The following AGAP1 variants were observed in gnomAD, a reference collection of about 807,000 sequenced individuals.
AGAP1 encodes arf-GAP with GTPase, ANK repeat and PH domain-containing protein 1.
Under a neutral mutation model 105.3 loss-of-function variants are expected in AGAP1, and 29 were observed. That is an observed-to-expected ratio of 0.28 (90% CI 0.21 to 0.38). AGAP1 has a LOEUF of 0.38. AGAP1 is among the 10% of genes least tolerant of loss of function. The pLI, the probability that AGAP1 is intolerant of heterozygous loss-of-function variation, is 1.00. For missense variants in AGAP1, 998 were observed against 1,165.1 expected, an observed-to-expected ratio of 0.86 and a Z score of 2.09; for synonymous variants, 509 against 485.9, an observed-to-expected ratio of 1.05 and a Z score of -0.63.
chr2:235,682,010 C>G (rs1173953173), intron 1 of AGAP1, among the ~76,000 whole-genome samples: 1 of 151,852 alleles, frequency 6.6e-6, no homozygotes, highest in South Asian at 2.1e-4. Flanking sequence ...CCACCACGCC[C>G]AGCTAATTTT....
rs1437328613 is a variant in AGAP1, at chr2:235,900,126, T to TC, written c.1156-8608dup. Among the ~76,000 whole-genome samples the TC allele has an allele frequency of 6.6e-6, 1 of 152,164 alleles. No individual in the cohort carries two copies. Among genetic ancestry groups the TC allele is most frequent in the East Asian group, 1.9e-4 (1 of 5,198 alleles). Reference sequence around the variant, plus strand: ...CTGTACATGAAGCTGCCACCACTGGTCCCCAACAAGGCCTCACCAGCCTTC... The same window carrying TC: ...CTGTACATGAAGCTGCCACCACTGGTCCCCCAACAAGGCCTCACCAGCCTTC... On this transcript the variant is annotated intron_variant, in intron 10 of 17. Transcript: ENST00000304032. This position sits in a 1 kb window ranked among gnomAD's most constrained non-coding sequence, Gnocchi z 5.5.
Position 235,797,890 on chromosome 2 carries a change from C to T in AGAP1, c.801+4C>T, listed in dbSNP as rs763029926. On this transcript the variant is annotated splice_donor_region_variant and intron_variant, in intron 7 of 17. Coordinates refer to ENST00000304032, the MANE Select transcript of AGAP1 (RefSeq NM_001037131.3). ...GTCTGCCGTGCACATCAGCCAGGTA[C>T]GTTAGGTGACATGAGAAGTCAGACT... is the stretch of plus-strand genomic sequence containing the variant. 1.2e-5 allele frequency: 19 copies of T among 1,613,922 alleles called. No individual in the cohort carries two copies. The highest frequency in any genetic ancestry group is 1.6e-4 in the Middle Eastern group (1 of 6,082).
chr2:235,531,126 G>C (rs1159077683), intron 1 of AGAP1, among the ~76,000 whole-genome samples: 1 of 152,222 alleles, frequency 6.6e-6, no homozygotes, highest in East Asian at 1.9e-4. Flanking sequence ...TCTAGACTCA[G>C]CACAAGGAGT....
At chr2:235,503,720 G>A (rs1022980308) in intron 1 of AGAP1, among the ~76,000 whole-genome samples, 4 of 152,032 alleles carry the variant, frequency 2.6e-5, no homozygotes, top group African/African-American at 9.7e-5. Context: ...CTCAGCCCCC[G>A]CCAAGTAGCT....
At position 235,721,122 on chromosome 2, in the gene AGAP1, C is replaced by T. The variant is rs138612738; in HGVS notation, c.310+3478C>T. Among the ~76,000 whole-genome samples, 687 of 152,228 alleles carry T rather than the reference C, an allele frequency of 4.5e-3. 6 individuals carry two copies. Among genetic ancestry groups the T allele is most frequent in the African/African-American group, 0.016 (652 of 41,518 alleles). Reference sequence around the variant, plus strand: ...TCCAGGATTCAAGTGATCCTCCTGCCGCAGCCTCCTGAGTAGCTGGGATTA... The same window carrying T: ...TCCAGGATTCAAGTGATCCTCCTGCTGCAGCCTCCTGAGTAGCTGGGATTA... On this transcript the variant is annotated intron_variant, in intron 3 of 17. Transcript: ENST00000304032. The surrounding 1 kb of genome is among the most constrained non-coding windows in gnomAD (Gnocchi z 4.5).
intron 8 of AGAP1, among the ~76,000 whole-genome samples, chr2:235,800,252 C>T (rs1957432395): frequency 6.6e-6 from 1 of 151,654 alleles, no homozygotes. Context: ...GCACTCACCA[C>T]TACGTGTGGC....
chr2:235,957,693 A>G lies in AGAP1; in HGVS notation c.1484-10769A>G, dbSNP rs1431900743. 6.6e-6 allele frequency among the ~76,000 whole-genome samples: 1 copy of G among 152,148 alleles called. No individual in the cohort carries two copies. Among genetic ancestry groups the G allele is most frequent in the African/African-American group, 2.4e-5 (1 of 41,418 alleles). On this transcript the variant is annotated intron_variant, in intron 12 of 17. Coordinates refer to ENST00000304032, the MANE Select transcript of AGAP1 (RefSeq NM_001037131.3). The surrounding 1 kb of genome is among the most constrained non-coding windows in gnomAD (Gnocchi z 4.6). ...GGATGGCAAAGGTGGCCTGTTCTTT[A>G]TTTACCGGCCTACACATCTCTGTAA...
At chr2:236,084,777 G>A (rs985042378) in intron 16 of AGAP1, among the ~76,000 whole-genome samples, 6 of 151,970 alleles carry the variant, frequency 3.9e-5, no homozygotes, top group East Asian at 1.9e-4. Flanking sequence ...GGTGGTGGGC[G>A]CCTGTAGTCC....
rs1387125606 is a variant in AGAP1 at position 235,981,137 on chromosome 2, C to T, written c.1645+12514C>T. Among the ~76,000 whole-genome samples, 1 of 152,160 alleles carries T rather than the reference C, an allele frequency of 6.6e-6. No homozygotes were observed. Among genetic ancestry groups the T allele is most frequent in the South Asian group, 2.1e-4 (1 of 4,830 alleles). ...AGTATGTGATCACTGTGAGATGTTT[C>T]TCAAAGTCTGTCTTGAACTTGCCAA... On this transcript the variant is annotated intron_variant, in intron 13 of 17. Coordinates refer to ENST00000304032, the MANE Select transcript of AGAP1 (RefSeq NM_001037131.3). This position sits in a 1 kb window ranked among gnomAD's most constrained non-coding sequence, Gnocchi z 5.5.
chr2:236,115,125 G>A (rs1443521333), intron 16 of AGAP1, among the ~76,000 whole-genome samples: 1 of 152,206 alleles, frequency 6.6e-6, no homozygotes, highest in Non-Finnish European at 1.5e-5. Flanking sequence ...GGTACCCGCG[G>A]CCCCGTGCCA....
chr2:235,738,582 C>T (rs1441924589), intron 3 of AGAP1, among the ~76,000 whole-genome samples: 2 of 150,094 alleles, frequency 1.3e-5, no homozygotes, highest in South Asian at 2.1e-4. Flanking sequence ...TTTTGAGACA[C>T]AGTCTTGCTC....
chr2:235,531,492 T>G (rs1201039043), intron 1 of AGAP1, among the ~76,000 whole-genome samples: 1 of 152,180 alleles, frequency 6.6e-6, no homozygotes, highest in Non-Finnish European at 1.5e-5. Context: ...CCCGCTCCCA[T>G]GTCACCTGCC....
At position 236,061,881 on chromosome 2, in the gene AGAP1, G is replaced by GAA. The variant is rs35303117; in HGVS notation, c.2114+12613_2114+12614dup. Reference sequence around the variant, plus strand: ...ATGGTATATAAATTATGTCAATTTTGAAAAAAAAAAAAAAGGAATTTCCAA... The same window carrying GAA: ...ATGGTATATAAATTATGTCAATTTTGAAAAAAAAAAAAAAAAGGAATTTCCAA... On this transcript the variant is annotated intron_variant, in intron 16 of 17. Coordinates refer to ENST00000304032, the MANE Select transcript of AGAP1 (RefSeq NM_001037131.3). This position sits in a 1 kb window ranked among gnomAD's most constrained non-coding sequence, Gnocchi z 4.1. 9.1e-5 allele frequency among the ~76,000 whole-genome samples: 11 copies of GAA among 121,362 alleles called. No homozygotes were observed. Among genetic ancestry groups the GAA allele is most frequent in the Admixed American group, 5.1e-4 (6 of 11,758 alleles). 79.6% of individuals were successfully genotyped at this position (121,362 alleles called of 152,430 possible). A position where few individuals can be genotyped will look rare whatever the true frequency, so the allele number is the denominator to read the frequency against.
rs1953083472 is a variant in AGAP1 at position 235,747,737 on chromosome 2, GC to G, written c.539-2616del. On this transcript the variant is annotated intron_variant, in intron 5 of 17. Transcript: ENST00000304032. The surrounding 1 kb of genome is among the most constrained non-coding windows in gnomAD (Gnocchi z 5.0). The stretch of plus-strand genomic sequence containing the variant: ...TTGCTCTCCGTGAAGCCCGTGCTCG[GC>G]TGCTCTTTCAGGGGTTTGGCTTCCT... Among the ~76,000 whole-genome samples, 1 of 152,220 alleles carries G rather than the reference GC, an allele frequency of 6.6e-6. No homozygotes were observed. The highest frequency in any genetic ancestry group is 1.5e-5 in the Non-Finnish European group (1 of 68,026).
chr2:235,658,022 C>A (rs1433395997), intron 1 of AGAP1, among the ~76,000 whole-genome samples: 1 of 151,326 alleles, frequency 6.6e-6, no homozygotes, highest in African/African-American at 2.4e-5. Flanking sequence ...GGCTCCAGAA[C>A]TAGGATAACT....
chr2:235,634,125 G>A (rs1003797081), intron 1 of AGAP1, among the ~76,000 whole-genome samples: 15 of 152,212 alleles, frequency 9.9e-5, no homozygotes, highest in Admixed American at 2.0e-4. Context: ...ACGGCAAGTT[G>A]TGGGGCTTCT....
chr2:235,511,984 A>T (rs1942150896), intron 1 of AGAP1, among the ~76,000 whole-genome samples: 1 of 125,230 alleles, frequency 8.0e-6, no homozygotes, highest in Non-Finnish European at 1.6e-5. Flanking sequence ...GAGTGTGTGA[A>T]TGCGTGTGTG....
chr2:235,872,737 C>T lies in AGAP1; in HGVS notation c.1051-10608C>T, dbSNP rs1034032923. Among the ~76,000 whole-genome samples, 1 of 152,242 alleles carries T rather than the reference C, an allele frequency of 6.6e-6. No homozygotes were observed. Among genetic ancestry groups the T allele is most frequent in the Non-Finnish European group, 1.5e-5 (1 of 68,042 alleles). On this transcript the variant is annotated intron_variant, in intron 9 of 17. Transcript: ENST00000304032. This position sits in a 1 kb window ranked among gnomAD's most constrained non-coding sequence, Gnocchi z 4.5. The stretch of plus-strand genomic sequence containing the variant: ...ACCAGTGGGGGCCACCTTAGTACCA[C>T]TTCCTCCCTAAGGAAAGCGACGGGC...
In AGAP1 at chr2:235,720,798, C is replaced by T; in HGVS notation, c.310+3154C>T. 1.3e-6 allele frequency: 1 copy of T among 766,598 alleles called. No individual in the cohort carries two copies. Among genetic ancestry groups the T allele is most frequent in the South Asian group, 6.0e-5 (1 of 16,794 alleles). The allele number at this position is 766,598 out of a possible 1,614,324, so 47.5% of individuals were successfully genotyped here. On this transcript the variant is annotated intron_variant, in intron 3 of 17. Coordinates refer to ENST00000304032, the MANE Select transcript of AGAP1 (RefSeq NM_001037131.3). The surrounding 1 kb of genome is among the most constrained non-coding windows in gnomAD (Gnocchi z 5.0). ...GGGGTGAGGGTGAGGGCCTTCCTGTCTTCAGGGGAGAGCTCTCTCGTGGTA... is the reference window on the plus strand; with the variant it reads ...GGGGTGAGGGTGAGGGCCTTCCTGTTTTCAGGGGAGAGCTCTCTCGTGGTA...
Sources: gnomAD v4.1 joint callset for allele counts (sites outside exome capture counted in the v4.1 genomes callset) on GRCh38, gnomAD v4.1.1 for gene constraint, Gnocchi (gnomAD v3.1) non-coding constraint, MANE v1.5 for transcripts, NCBI Gene and HGNC (gene_info 2026-07-23, HGNC 2026-07-21) for gene names.